The following DPP6 variants were observed in gnomAD, a reference collection of about 807,000 sequenced individuals.
The protein encoded by DPP6 is dipeptidyl peptidase like 6.
A neutral mutation model predicts 122.6 loss-of-function variants in DPP6; 69 were observed. The ratio of observed to expected loss-of-function variants is 0.56; its 90% CI spans 0.46 to 0.69. The LOEUF (loss-of-function observed/expected upper bound fraction) is 0.69, where lower values mean the gene tolerates loss of function less well. Ranked by LOEUF, DPP6 falls within the 30% of genes least tolerant of loss-of-function variation. The pLI is 0.00. For synonymous variants in DPP6, 418 were observed against 433.1 expected, an observed-to-expected ratio of 0.97 and a Z score of 0.43; for missense variants, 928 against 1,116.9, an observed-to-expected ratio of 0.83 and a Z score of 2.41.
chr7:153,821,137 A>G, the DPP6 span, among the ~76,000 whole-genome samples: 1 of 152,222 alleles, frequency 6.6e-6, no homozygotes, highest in Non-Finnish European at 1.5e-5. Flanking sequence ...AACTTTAATA[A>G]TTACATAATT....
At chr7:154,559,970 G>T (rs1830315609) in intron 4 of DPP6, among the ~76,000 whole-genome samples, 1 of 141,224 alleles carries the variant, frequency 7.1e-6, no homozygotes, top group East Asian at 2.1e-4. Flanking sequence ...TATATATAAA[G>T]ATATAGACAT....
At chr7:153,935,178 G>A (rs1801372962) in intron 1 of DPP6, among the ~76,000 whole-genome samples, 1 of 152,120 alleles carries the variant, frequency 6.6e-6, no homozygotes, top group Non-Finnish European at 1.5e-5. Flanking sequence ...GGGCTCTGCG[G>A]GGCAGACAGT....
chr7:154,705,372 T>C (rs1840771164), intron 7 of DPP6, among the ~76,000 whole-genome samples: 1 of 152,204 alleles, frequency 6.6e-6, no homozygotes, highest in Admixed American at 6.5e-5. Context: ...CTTTCCCTTT[T>C]CTGTAGTCTC....
chr7:154,698,439 C>T (rs1297419234), intron 7 of DPP6, among the ~76,000 whole-genome samples: 1 of 152,136 alleles, frequency 6.6e-6, no homozygotes, highest in Admixed American at 6.5e-5. Flanking sequence ...CGTCCGTATG[C>T]CTCATCATTC....
At chr7:154,033,381 G>A (rs1799357648) in intron 1 of DPP6, among the ~76,000 whole-genome samples, 1 of 152,146 alleles carries the variant, frequency 6.6e-6, no homozygotes, top group Non-Finnish European at 1.5e-5. Context: ...TTGAACTCTG[G>A]GGAGAAGACA....
chr7:154,516,331 G>C (rs1056026114), intron 3 of DPP6, among the ~76,000 whole-genome samples: 1 of 151,846 alleles, frequency 6.6e-6, no homozygotes, highest in Non-Finnish European at 1.5e-5. Context: ...TGCAGGGAGC[G>C]CAAAGGACTG....
At chr7:154,208,230 G>T (rs1799555114) in intron 1 of DPP6, among the ~76,000 whole-genome samples, 1 of 152,286 alleles carries the variant, frequency 6.6e-6, no homozygotes, top group South Asian at 2.1e-4. Context: ...TTCACTACTG[G>T]AATGCCTCAT....
In DPP6 at chr7:154,609,173, C is replaced by T. The variant is rs900650644; in HGVS notation, c.628-28648C>T. On this transcript the variant is annotated intron_variant, in intron 5 of 25. Transcript: ENST00000377770. ...GATATTTCCCTTATTTCGCACTTTA[C>T]GTATTCTCGAACAGTTTCGTTATGT... Among the ~76,000 whole-genome samples the T allele has an allele frequency of 3.3e-5, 5 of 152,152 alleles. No individual in the cohort carries two copies. In the East Asian group the frequency reaches 7.7e-4, roughly 23 times the overall value.
chr7:154,324,470 G>C (rs1323943567), intron 1 of DPP6, among the ~76,000 whole-genome samples: 1 of 152,118 alleles, frequency 6.6e-6, no homozygotes, highest in Non-Finnish European at 1.5e-5. Flanking sequence ...CCTAGCCTCA[G>C]CTTGACTTCT....
chr7:154,851,253 T>TC (rs55664408), intron 16 of DPP6, among the ~76,000 whole-genome samples: 1 of 151,682 alleles, frequency 6.6e-6, no homozygotes, highest in Non-Finnish European at 1.5e-5. Flanking sequence ...GTGGTTTTTT[T>TC]CCTCTGTAAA....
intron 1 of DPP6, among the ~76,000 whole-genome samples, chr7:153,912,208 G>T (rs910304402): frequency 3.9e-5 from 6 of 152,178 alleles, no homozygotes; most frequent in African/African-American, 1.2e-4. Flanking sequence ...GAGAAGAAAA[G>T]ATTTTGTCTC....
At chr7:153,834,711 A>C in the DPP6 span, among the ~76,000 whole-genome samples, 1 of 152,326 alleles carries the variant, frequency 6.6e-6, no homozygotes, top group African/African-American at 2.4e-5. Context: ...CCTATTAGCA[A>C]GCTGCATTTG....
intron 1 of DPP6, among the ~76,000 whole-genome samples, chr7:154,273,881 A>G (rs1381550729): frequency 1.3e-5 from 2 of 152,242 alleles, no homozygotes; most frequent in East Asian, 3.8e-4. Flanking sequence ...TATAAATGCT[A>G]TCAACACTTT....
intron 1 of DPP6, among the ~76,000 whole-genome samples, chr7:154,427,814 A>C (rs1818039064): frequency 6.6e-6 from 1 of 152,224 alleles, no homozygotes; most frequent in African/African-American, 2.4e-5. Flanking sequence ...GCATGCATTC[A>C]GCATTGGAAT....
chr7:154,663,964 C>A (rs4960706), intron 6 of DPP6, among the ~76,000 whole-genome samples: 15,146 of 95,962 alleles, frequency 0.16, 1,265 homozygotes, highest in East Asian at 0.23. Context: ...GGCGTATTGG[C>A]GCTAGTATTC....
chr7:154,829,504 G>A lies in DPP6; in HGVS notation c.1666+22392G>A, dbSNP rs73169049. 3.6e-3 allele frequency among the ~76,000 whole-genome samples: 509 copies of A among 140,802 alleles called. 4 individuals are homozygous for A. Among genetic ancestry groups the A allele is most frequent in the African/African-American group, 0.013 (474 of 37,328 alleles). The allele number at this position is 140,802 out of a possible 152,430, so 92.4% of individuals were successfully genotyped here. ...AGAAGGACAGAAGGAGGGAAGGAAG[G>A]AAGGAAGGAAAATGGAGAGAGGGAG... On this transcript the variant is annotated intron_variant, in intron 16 of 25. Transcript: ENST00000377770.
intron 3 of DPP6, chr7:154,475,852 A>G (rs1384040368): frequency 2.0e-5 from 3 of 152,264 alleles, no homozygotes; most frequent in African/African-American, 7.2e-5. Flanking sequence ...CTTTATAGTG[A>G]TCAAAGTCTA....
At chr7:153,823,812 G>A in the DPP6 span, among the ~76,000 whole-genome samples, 1 of 152,056 alleles carries the variant, frequency 6.6e-6, no homozygotes, top group Non-Finnish European at 1.5e-5. Context: ...CAACTAAAGA[G>A]TGAGAAATAA....
chr7:154,720,361 G>C (rs1036942256), intron 7 of DPP6, among the ~76,000 whole-genome samples: 1 of 152,196 alleles, frequency 6.6e-6, no homozygotes, highest in Non-Finnish European at 1.5e-5. Context: ...ACTTACTAGT[G>C]GGGGCTGGAT....
Sources: allele counts gnomAD v4.1 joint callset (sites outside exome capture counted in the v4.1 genomes callset), GRCh38; gene constraint gnomAD v4.1.1; transcripts MANE v1.5; gene names NCBI Gene and HGNC (gene_info 2026-07-23, HGNC 2026-07-21).